GRB14: variants seen among roughly 807,000 people sequenced by gnomAD.
GRB14 encodes the protein growth factor receptor-bound protein 14.
In GRB14, 38 loss-of-function variants were observed where a neutral mutation model predicts 69.1. That is an observed-to-expected ratio of 0.55 (90% CI 0.42 to 0.72). The LOEUF (loss-of-function observed/expected upper bound fraction) is 0.72, where lower values mean the gene tolerates loss of function less well. Ranked by LOEUF, GRB14 falls within the 30% of genes least tolerant of loss-of-function variation. The pLI, the probability that GRB14 is intolerant of heterozygous loss-of-function variation, is 0.00. For synonymous variants in GRB14, 247 were observed against 241.3 expected (o/e 1.02, Z -0.22); for missense variants, 666 against 666.1 (o/e 1.00, Z 0.00).
At chr2:164,609,427 A>T (rs1690113441) in intron 2 of GRB14, among the ~76,000 whole-genome samples, 1 of 152,124 alleles carries the variant, frequency 6.6e-6, no homozygotes, top group Non-Finnish European at 1.5e-5. Context: ...TATTGTTTCC[A>T]CGGGCTCTCC....
intron 2 of GRB14, among the ~76,000 whole-genome samples, chr2:164,567,014 G>A (rs555747298): frequency 1.1e-4 from 17 of 152,020 alleles, no homozygotes; most frequent in East Asian, 7.8e-4. Flanking sequence ...AATATTAACC[G>A]GATAAAGAAG....
At chr2:164,535,610 T>C (rs1461599975) in intron 3 of GRB14, among the ~76,000 whole-genome samples, 1 of 152,244 alleles carries the variant, frequency 6.6e-6, no homozygotes, top group Non-Finnish European at 1.5e-5. Context: ...TACTTCTCTA[T>C]GCTGGGTAGA....
At chr2:164,520,570 A>G (rs1002667897) in intron 6 of GRB14, among the ~76,000 whole-genome samples, 1 of 152,114 alleles carries the variant, frequency 6.6e-6, no homozygotes, top group African/African-American at 2.4e-5. Context: ...TAAACAGACA[A>G]CTCACAGAGC....
At chr2:164,548,175 T>A (rs1004962100) in intron 2 of GRB14, among the ~76,000 whole-genome samples, 6 of 152,186 alleles carry the variant, frequency 3.9e-5, no homozygotes, top group African/African-American at 1.4e-4. Context: ...CCCACCACTG[T>A]CCTTGGTAAC....
chr2:164,590,677 T>C (rs2105345433), intron 2 of GRB14, among the ~76,000 whole-genome samples: 1 of 152,324 alleles, frequency 6.6e-6, no homozygotes, highest in African/African-American at 2.4e-5. Context: ...ATCATGTCTC[T>C]TCCGCACTAT....
At chr2:164,604,061 C>T (rs748431910) in intron 2 of GRB14, among the ~76,000 whole-genome samples, 11 of 152,196 alleles carry the variant, frequency 7.2e-5, no homozygotes, top group Non-Finnish European at 1.5e-4. Flanking sequence ...ACACTCACCA[C>T]ATTGGCAAAA....
intron 3 of GRB14, among the ~76,000 whole-genome samples, chr2:164,534,087 C>T (rs971930747): frequency 1.3e-5 from 2 of 151,768 alleles, no homozygotes; most frequent in African/African-American, 4.8e-5. Flanking sequence ...TCCATTCCTT[C>T]GAAAAAAGAT....
intron 2 of GRB14, among the ~76,000 whole-genome samples, chr2:164,589,292 C>T (rs1201836968): frequency 6.6e-6 from 1 of 152,154 alleles, no homozygotes; most frequent in East Asian, 1.9e-4. Context: ...ATCCTATAAG[C>T]TCTACTTTGC....
intron 2 of GRB14, among the ~76,000 whole-genome samples, chr2:164,597,629 A>G (rs1462987780): frequency 6.6e-6 from 1 of 152,098 alleles, no homozygotes; most frequent in Non-Finnish European, 1.5e-5. Context: ...GACAATGGGT[A>G]GAGAAGAAGA....
chr2:164,601,424 T>C (rs1558878685), intron 2 of GRB14, among the ~76,000 whole-genome samples: 1 of 152,156 alleles, frequency 6.6e-6, no homozygotes, highest in Non-Finnish European at 1.5e-5. Flanking sequence ...TTGTTTTCAC[T>C]ATATAAACAT....
Position 164,533,270 on chromosome 2 carries a change from T to C in GRB14, c.482-6135A>G, listed in dbSNP as rs1417162645. Among the ~76,000 whole-genome samples the C allele has an allele frequency of 2.1e-5, 3 of 140,860 alleles. No homozygotes were observed. The Admixed American group carries it at 2.2e-4, about 10-fold the overall frequency. 92.4% of individuals were successfully genotyped at this position (140,860 alleles called of 152,430 possible). A position where few individuals can be genotyped will look rare whatever the true frequency, so the allele number is the denominator to read the frequency against. ...TTTTTTGAGATGGAGTCTTGCTCTG[T>C]CGCCCATGGTGGAGTGCAGTGGCGC... On this transcript the variant is annotated intron_variant, in intron 3 of 13. Coordinates refer to ENST00000263915, the MANE Select transcript of GRB14 (RefSeq NM_004490.3).
chr2:164,597,602 G>T (rs13017796), intron 2 of GRB14, among the ~76,000 whole-genome samples: 23,350 of 151,846 alleles, frequency 0.15, 1,944 homozygotes, highest in African/African-American at 0.18. Flanking sequence ...AAGCTGGGTT[G>T]ATTTTAAGAA....
At chr2:164,524,307 G>T (rs1230660012) in intron 5 of GRB14, among the ~76,000 whole-genome samples, 2 of 151,996 alleles carry the variant, frequency 1.3e-5, no homozygotes, top group Admixed American at 1.3e-4. Flanking sequence ...TAGAGCTTCT[G>T]ATGTAAAATC....
chr2:164,522,907 G>A (rs1687670542), intron 5 of GRB14, among the ~76,000 whole-genome samples: 1 of 152,034 alleles, frequency 6.6e-6, no homozygotes, highest in African/African-American at 2.4e-5. Context: ...TTCTAGGTGT[G>A]GCCCTTAACT....
intron 3 of GRB14, among the ~76,000 whole-genome samples, chr2:164,530,039 A>C (rs991762603): frequency 2.6e-5 from 4 of 152,204 alleles, no homozygotes; most frequent in African/African-American, 9.6e-5. Context: ...CAATAAATAA[A>C]ATGTGAATCA....
chr2:164,592,783 G>A (rs974568938), intron 2 of GRB14, among the ~76,000 whole-genome samples: 1 of 152,030 alleles, frequency 6.6e-6, no homozygotes, highest in African/African-American at 2.4e-5. Flanking sequence ...TTTCAAATGT[G>A]GAAATACTCC....
At chr2:164,577,026 A>C (rs1689268038) in intron 2 of GRB14, among the ~76,000 whole-genome samples, 1 of 152,140 alleles carries the variant, frequency 6.6e-6, no homozygotes, top group Admixed American at 6.5e-5. Context: ...AAACATAATG[A>C]AATAGATTAT....
At chr2:164,543,226 G>A (rs567072280) in intron 3 of GRB14, among the ~76,000 whole-genome samples, 25 of 152,012 alleles carry the variant, frequency 1.6e-4, no homozygotes, top group South Asian at 4.2e-4. Context: ...GCTTGAGCCC[G>A]GGAGACGGAG....
Position 164,593,030 on chromosome 2 carries a change from C to T in GRB14, c.324+26657G>A, listed in dbSNP as rs565989184. On this transcript the variant is annotated intron_variant, in intron 2 of 13. Coordinates refer to ENST00000263915, the MANE Select transcript of GRB14 (RefSeq NM_004490.3). Reference sequence around the variant, plus strand: ...ATACAAATTACTTTATGTTACATAGCGGTCTGTACTTCTTAAAGTGCTTTC... The same window carrying T: ...ATACAAATTACTTTATGTTACATAGTGGTCTGTACTTCTTAAAGTGCTTTC... Among the ~76,000 whole-genome samples the T allele has an allele frequency of 5.9e-5, 9 of 152,248 alleles. No homozygotes were observed. In the South Asian group the frequency reaches 8.3e-4, roughly 14 times the overall value.
Sources: gnomAD v4.1 joint callset for allele counts (sites outside exome capture counted in the v4.1 genomes callset) on GRCh38, gnomAD v4.1.1 for gene constraint, MANE v1.5 for transcripts, NCBI Gene and HGNC (gene_info 2026-07-23, HGNC 2026-07-21) for gene names.